Variants in PHLPP1 observed in about 807,000 individuals in gnomAD.
PHLPP1 encodes PH domain leucine-rich repeat-containing protein phosphatase 1.
A neutral mutation model predicts 117.2 loss-of-function variants in PHLPP1; 42 were observed. That is an observed-to-expected ratio of 0.36 (90% CI 0.28 to 0.46). The LOEUF (loss-of-function observed/expected upper bound fraction) is 0.46. Ranked by LOEUF, PHLPP1 falls within the 20% of genes least tolerant of loss-of-function variation. PHLPP1 has a pLI of 1.00. For synonymous variants in PHLPP1, 1,042 were observed against 970.7 expected (o/e 1.07, Z -1.37); for missense variants, 2,084 against 2,241.9 (o/e 0.93, Z 1.42).
At chr18:62,871,516 C>T (rs557802770) in intron 4 of PHLPP1, among the ~76,000 whole-genome samples, 8 of 151,838 alleles carry the variant, frequency 5.3e-5, no homozygotes, top group East Asian at 3.9e-4. Flanking sequence ...ATTGTAGAGA[C>T]GGAGTTTCAC....
intron 1 of PHLPP1, among the ~76,000 whole-genome samples, chr18:62,719,653 C>G (rs1910859972): frequency 6.6e-6 from 1 of 152,136 alleles, no homozygotes; most frequent in Non-Finnish European, 1.5e-5. Flanking sequence ...TTTGAAAATT[C>G]TGTACCCCAT....
chr18:62,978,568 T>C lies in PHLPP1; in HGVS notation c.4291T>C (p.Cys1431Arg). 1 of 1,613,268 alleles carries C rather than the reference T, an allele frequency of 6.2e-7. No individual in the cohort carries two copies. The highest frequency in any genetic ancestry group is 8.5e-7 in the Non-Finnish European group (1 of 1,179,574). ...QLSVTEDSFCCCELSAGGAVP... is the reference protein window; with the variant it reads ...QLSVTEDSFCRCELSAGGAVP... Reference sequence around the variant, plus strand: ...CAGTGTCACTGAGGACAGCTTCTGCTGCTGCGAGCTCAGCGCCGGTGGGGC... The same window carrying C: ...CAGTGTCACTGAGGACAGCTTCTGCCGCTGCGAGCTCAGCGCCGGTGGGGC... The change falls in exon 17 of 17, where the codon TGC becomes CGC. Residue 1431 changes from cysteine to arginine, a missense_variant. Physicochemically the swap from Cys to Arg is radical, Grantham distance 180. This residue lies in a region of PHLPP1 where 1,365 missense variants were observed against 1,605.9 expected (regional missense o/e 0.85). Transcript: ENST00000262719. This position sits in a 1 kb window ranked among gnomAD's most constrained non-coding sequence, Gnocchi z 7.0.
chr18:62,773,746 T>C (rs1374879164), intron 1 of PHLPP1, among the ~76,000 whole-genome samples: 1 of 152,192 alleles, frequency 6.6e-6, no homozygotes, highest in Non-Finnish European at 1.5e-5. Flanking sequence ...CCTGTCTTAG[T>C]TCGTTTAGGC....
intron 1 of PHLPP1, among the ~76,000 whole-genome samples, chr18:62,811,303 A>C (rs1599059647): frequency 6.6e-6 from 1 of 152,214 alleles, no homozygotes; most frequent in South Asian, 2.1e-4. Context: ...ATCTTGAACA[A>C]TAAAGAAACT....
intron 3 of PHLPP1, among the ~76,000 whole-genome samples, chr18:62,841,688 C>A (rs1915055157): frequency 6.6e-6 from 1 of 152,008 alleles, no homozygotes. Flanking sequence ...ATGAGGTATT[C>A]CTCAAAAGTG....
Position 62,978,483 on chromosome 18 carries a change from G to C in PHLPP1, c.4206G>C (p.Leu1402=). 1 of 1,609,298 alleles carries C rather than the reference G, an allele frequency of 6.2e-7. No individual in the cohort carries two copies. The highest frequency in any genetic ancestry group is 8.5e-7 in the Non-Finnish European group (1 of 1,177,834). Residue 1402 remains leucine (L), a synonymous_variant, in exon 17 of 17, where the codon CTG becomes CTC. Coordinates refer to ENST00000262719, the MANE Select transcript of PHLPP1 (RefSeq NM_194449.4). This position sits in a 1 kb window ranked among gnomAD's most constrained non-coding sequence, Gnocchi z 7.0. ...ATGCCCTGGCTGCTGCCAAGAAGCTGTGTACCCTGGCCCAGAGCTACGGCT... is the reference window on the plus strand; with the variant it reads ...ATGCCCTGGCTGCTGCCAAGAAGCTCTGTACCCTGGCCCAGAGCTACGGCT... The part of the protein sequence containing the change: ...VPDALAAAKK[L]CTLAQSYGCH...
intron 4 of PHLPP1, among the ~76,000 whole-genome samples, chr18:62,883,770 TTATG>T (rs1382143327): frequency 6.6e-6 from 1 of 152,320 alleles, no homozygotes; most frequent in East Asian, 1.9e-4. Flanking sequence ...ATACTGTACA[TTATG>T]TAACACCTCC....
At chr18:62,934,392 T>TA (rs1054048219) in intron 10 of PHLPP1, among the ~76,000 whole-genome samples, 4 of 152,122 alleles carry the variant, frequency 2.6e-5, no homozygotes, top group Non-Finnish European at 5.9e-5. Flanking sequence ...TACACAGCCA[T>TA]AAAAAAGAAC....
rs773971880 is a variant in PHLPP1, at chr18:62,905,253, C to G, written c.2677C>G (p.Pro893Ala). 2 of 1,545,324 alleles carry G rather than the reference C, an allele frequency of 1.3e-6. No homozygotes were observed. Among genetic ancestry groups the G allele is most frequent in the Non-Finnish European group, 1.7e-6 (2 of 1,146,958 alleles). Residue 893 changes from proline (P) to alanine (A), a missense_variant, in exon 8 of 17, where the codon CCA becomes GCA. Pro to Ala is a conservative substitution (Grantham distance 27). Around this residue, in one of 2 missense-constraint regions of PHLPP1, gnomAD observed 1,365 missense variants for 1,605.9 expected, o/e 0.85. Coordinates refer to ENST00000262719, the MANE Select transcript of PHLPP1 (RefSeq NM_194449.4). ...ELVQLDVYPV[P>A]NYLSYMDVSR... is the part of the protein sequence containing the mutation. Reference sequence around the variant, plus strand: ...TGTTCAACTTGATGTTTACCCAGTTCCAAATTATCTGTCCTACATGGATGT... The same window carrying G: ...TGTTCAACTTGATGTTTACCCAGTTGCAAATTATCTGTCCTACATGGATGT...
chr18:62,791,100 A>G (rs1950506637), intron 1 of PHLPP1, among the ~76,000 whole-genome samples: 1 of 152,106 alleles, frequency 6.6e-6, no homozygotes, highest in South Asian at 2.1e-4. Context: ...GACAGTTCCC[A>G]AGACAAGCAA....
At chr18:62,804,806 C>T (rs1913890723) in intron 1 of PHLPP1, among the ~76,000 whole-genome samples, 1 of 148,198 alleles carries the variant, frequency 6.7e-6, no homozygotes, top group South Asian at 2.1e-4. Context: ...TACATACACA[C>T]AGTATAATAT....
intron 4 of PHLPP1, among the ~76,000 whole-genome samples, chr18:62,883,462 TC>T (rs1214900413): frequency 6.6e-6 from 1 of 152,154 alleles, no homozygotes; most frequent in Admixed American, 6.6e-5. Flanking sequence ...AAAAAGCAGC[TC>T]AACTTTACTG....
chr18:62,971,077 T>C (rs1355797696), intron 14 of PHLPP1, among the ~76,000 whole-genome samples: 1 of 152,226 alleles, frequency 6.6e-6, no homozygotes, highest in Non-Finnish European at 1.5e-5. Context: ...CTACCAGGTT[T>C]CCAGGGAGAA....
At chr18:62,895,218 G>C in intron 5 of PHLPP1, 61 bp downstream of exon 5, 1 of 1,538,304 alleles carries the variant, frequency 6.5e-7, no homozygotes, top group Non-Finnish European at 8.9e-7. Context: ...CTGCATTGGG[G>C]GTGTGGCACA....
intron 4 of PHLPP1, among the ~76,000 whole-genome samples, chr18:62,874,279 A>G (rs1338807563): frequency 6.6e-6 from 1 of 151,978 alleles, no homozygotes; most frequent in Non-Finnish European, 1.5e-5. Context: ...AGGCCAAGGC[A>G]GGTAGATTAC....
intron 2 of PHLPP1, among the ~76,000 whole-genome samples, chr18:62,834,197 G>A (rs1268758026): frequency 1.3e-5 from 2 of 152,110 alleles, no homozygotes; most frequent in Non-Finnish European, 2.9e-5. Flanking sequence ...GTTTTGGCAA[G>A]GGAAGAGGTA....
chr18:62,913,597 G>A (rs78602706), intron 8 of PHLPP1, among the ~76,000 whole-genome samples: 4,713 of 152,096 alleles, frequency 0.031, 270 homozygotes, highest in African/African-American at 0.11. Flanking sequence ...AATTCTTTGT[G>A]CCTGATCATT....
chr18:62,818,162 C>T (rs1914347933), intron 1 of PHLPP1, among the ~76,000 whole-genome samples: 1 of 152,008 alleles, frequency 6.6e-6, no homozygotes, highest in Non-Finnish European at 1.5e-5. Flanking sequence ...TTGACAGAAA[C>T]ATTGAACACT....
At chr18:62,849,817 A>AT (rs1915281159) in intron 3 of PHLPP1, among the ~76,000 whole-genome samples, 4 of 86,882 alleles carry the variant, frequency 4.6e-5, no homozygotes, top group African/African-American at 9.5e-5. Flanking sequence ...AAAAAAAAAA[A>AT]AAAAAAAAAA....
Sources: allele counts gnomAD v4.1 joint callset (sites outside exome capture counted in the v4.1 genomes callset), GRCh38; gene constraint gnomAD v4.1.1; regional missense constraint gnomAD v4.1.1; non-coding constraint Gnocchi (gnomAD v3.1); transcripts MANE v1.5; gene names NCBI Gene and HGNC (gene_info 2026-07-23, HGNC 2026-07-21).